GRID2: variants seen among roughly 807,000 people sequenced by gnomAD.
The protein encoded by GRID2 is glutamate ionotropic receptor delta type subunit 2.
A neutral mutation model predicts 114.8 loss-of-function variants in GRID2; 33 were observed. The ratio of observed to expected loss-of-function variants is 0.29; its 90% confidence interval spans 0.22 to 0.38. The LOEUF (loss-of-function observed/expected upper bound fraction) is 0.38. Ranked by LOEUF, GRID2 falls within the 10% of genes least tolerant of loss-of-function variation. GRID2 has a pLI of 1.00. For synonymous variants in GRID2, 505 were observed against 449.9 expected (o/e 1.12, Z -1.55); for missense variants, 1,184 against 1,257.7 (o/e 0.94, Z 0.89).
At chr4:93,347,211 A>C (rs1370621860) in intron 8 of GRID2, among the ~76,000 whole-genome samples, 1 of 152,080 alleles carries the variant, frequency 6.6e-6, no homozygotes, top group Non-Finnish European at 1.5e-5. Context: ...TTTCAGAATA[A>C]ATTTCAAGTT....
chr4:92,591,191 G>A (rs1234087207), intron 2 of GRID2, among the ~76,000 whole-genome samples: 1 of 152,048 alleles, frequency 6.6e-6, no homozygotes, highest in Non-Finnish European at 1.5e-5. Flanking sequence ...TATAAAACAG[G>A]CCCAAGGGAA....
At chr4:93,627,433 CA>C (rs1560836973) in intron 14 of GRID2, among the ~76,000 whole-genome samples, 1 of 152,092 alleles carries the variant, frequency 6.6e-6, no homozygotes, top group Non-Finnish European at 1.5e-5. Context: ...CTTCCATTAG[CA>C]AACCATAAAA....
chr4:92,754,061 A>G (rs558070288), intron 2 of GRID2, among the ~76,000 whole-genome samples: 1 of 152,244 alleles, frequency 6.6e-6, no homozygotes, highest in Non-Finnish European at 1.5e-5. Flanking sequence ...TTGCTAATGC[A>G]TAACCTGTCA....
At chr4:92,320,876 G>A (rs1726279281) in intron 1 of GRID2, among the ~76,000 whole-genome samples, 1 of 152,064 alleles carries the variant, frequency 6.6e-6, no homozygotes, top group South Asian at 2.1e-4. Context: ...TAATTTAAGA[G>A]AATGGCACCA....
chr4:93,625,810 G>T (rs1473715551), intron 13 of GRID2, among the ~76,000 whole-genome samples: 1 of 152,200 alleles, frequency 6.6e-6, no homozygotes, highest in Admixed American at 6.5e-5. Context: ...AGCTACTCGG[G>T]AGGTTGAGGC....
At chr4:92,412,778 A>T (rs1377778895) in intron 1 of GRID2, among the ~76,000 whole-genome samples, 2 of 152,072 alleles carry the variant, frequency 1.3e-5, no homozygotes, top group East Asian at 3.9e-4. Context: ...CACCAAGCAC[A>T]CCCTGGCATT....
intron 1 of GRID2, 26 bp from the exon 2 acceptor site, chr4:92,590,105 T>C (rs776178865): frequency 4.6e-5 from 71 of 1,546,196 alleles, no homozygotes; most frequent in Non-Finnish European, 6.3e-5. Flanking sequence ...TGTTATTATT[T>C]AATGGCAAAA....
chr4:92,977,078 A>T (rs922965539), intron 2 of GRID2, among the ~76,000 whole-genome samples: 1 of 152,166 alleles, frequency 6.6e-6, no homozygotes, highest in Admixed American at 6.5e-5. Flanking sequence ...AGTAATATGT[A>T]TTGGGCTCTG....
At chr4:92,913,406 C>A (rs2149493114) in intron 2 of GRID2, among the ~76,000 whole-genome samples, 1 of 151,920 alleles carries the variant, frequency 6.6e-6, no homozygotes, top group Middle Eastern at 3.4e-3. Flanking sequence ...CTGATAACAA[C>A]CTACATTTTT....
chr4:92,919,412 C>T (rs1436840033), intron 2 of GRID2, among the ~76,000 whole-genome samples: 3 of 151,742 alleles, frequency 2.0e-5, no homozygotes, highest in Non-Finnish European at 4.4e-5. Context: ...ATGTGTTTGC[C>T]TTGCTTCTCT....
intron 4 of GRID2, among the ~76,000 whole-genome samples, chr4:93,187,388 G>A (rs568573543): frequency 2.0e-5 from 3 of 151,712 alleles, no homozygotes; most frequent in Non-Finnish European, 2.9e-5. Context: ...GCATTCTCTT[G>A]CCTCAGCCTC....
At chr4:93,595,154 G>T (rs1738944388) in intron 13 of GRID2, among the ~76,000 whole-genome samples, 1 of 152,276 alleles carries the variant, frequency 6.6e-6, no homozygotes, top group East Asian at 1.9e-4. Flanking sequence ...TATCTTGTAG[G>T]ATCCAACTTG....
chr4:92,342,340 G>A (rs1727538713), intron 1 of GRID2, among the ~76,000 whole-genome samples: 1 of 152,114 alleles, frequency 6.6e-6, no homozygotes, highest in African/African-American at 2.4e-5. Flanking sequence ...AGTCCCAAGA[G>A]AGAATGGATT....
intron 9 of GRID2, among the ~76,000 whole-genome samples, chr4:93,399,066 A>C (rs2149335435): frequency 6.6e-6 from 1 of 151,956 alleles, no homozygotes; most frequent in Non-Finnish European, 1.5e-5. Context: ...ACCTCACTAA[A>C]CCCTGAAACT....
intron 13 of GRID2, among the ~76,000 whole-genome samples, chr4:93,620,304 A>C (rs1742094233): frequency 6.6e-6 from 1 of 152,188 alleles, no homozygotes; most frequent in African/African-American, 2.4e-5. Context: ...TTTTTTAATA[A>C]GAAAGGATCA....
At chr4:93,297,016 C>T (rs1008428069) in intron 8 of GRID2, among the ~76,000 whole-genome samples, 3 of 152,116 alleles carry the variant, frequency 2.0e-5, no homozygotes, top group Non-Finnish European at 4.4e-5. Flanking sequence ...AAACCAATTC[C>T]CATGTGCTTG....
chr4:92,660,700 T>C (rs554791685), intron 2 of GRID2, among the ~76,000 whole-genome samples: 1 of 151,322 alleles, frequency 6.6e-6, no homozygotes, highest in Non-Finnish European at 1.5e-5. Context: ...TATCACCTCA[T>C]ACTTATATAT....
chr4:92,444,248 AGC>A (rs200034385), intron 1 of GRID2, among the ~76,000 whole-genome samples: 2,037 of 152,312 alleles, frequency 0.013, 40 homozygotes, highest in African/African-American at 0.046. Flanking sequence ...GCTTTGTGTG[AGC>A]GACACATCTG....
At chr4:92,310,614 G>A in intron 1 of GRID2, among the ~76,000 whole-genome samples, 1 of 152,000 alleles carries the variant, frequency 6.6e-6, no homozygotes, top group East Asian at 1.9e-4. Context: ...ATAAAAAAAA[G>A]TATTCTGGAT....
Sources: gnomAD v4.1 joint callset for allele counts (sites outside exome capture counted in the v4.1 genomes callset) on GRCh38, gnomAD v4.1.1 for gene constraint, MANE v1.5 for transcripts, NCBI Gene and HGNC (gene_info 2026-07-23, HGNC 2026-07-21) for gene names.